The following PTGER3 variants were observed in gnomAD, a reference collection of about 807,000 sequenced individuals.
PTGER3 encodes prostaglandin E receptor 3, also known as prostaglandin E2 receptor EP3 subtype.
In PTGER3, 22 loss-of-function variants were observed where a neutral mutation model predicts 34.7. That is an observed-to-expected ratio of 0.63 (90% CI 0.45 to 0.91). The LOEUF (loss-of-function observed/expected upper bound fraction) is 0.91, where lower values mean the gene tolerates loss of function less well. PTGER3 is among the 40% of genes least tolerant of loss of function. The pLI is 0.00. For synonymous variants in PTGER3, 241 were observed against 230.1 expected, an observed-to-expected ratio of 1.05 and a Z score of -0.43; for missense variants, 468 against 519.4, an observed-to-expected ratio of 0.90 and a Z score of 0.96.
chr1:70,862,381 G>A (rs767583669), intron 4 of PTGER3: 1 of 1,366,502 alleles, frequency 7.3e-7, no homozygotes, highest in African/African-American at 1.5e-5. Flanking sequence ...AGCTTAGCTG[G>A]ACACTGCAGG....
intron 4 of PTGER3, among the ~76,000 whole-genome samples, chr1:70,945,997 G>C (rs1282511597): frequency 6.6e-6 from 1 of 152,076 alleles, no homozygotes; most frequent in Non-Finnish European, 1.5e-5. Flanking sequence ...ATGCAAAGGA[G>C]ATTCTGAAAT....
chr1:71,031,790 G>C (rs1266822257), intron 1 of PTGER3, among the ~76,000 whole-genome samples: 2 of 152,208 alleles, frequency 1.3e-5, no homozygotes, highest in East Asian at 3.9e-4. Context: ...AGTCACAGTT[G>C]GTTGTTTGCA....
chr1:70,993,474 A>G (rs1310236813), intron 2 of PTGER3, among the ~76,000 whole-genome samples: 1 of 152,200 alleles, frequency 6.6e-6, no homozygotes, highest in Admixed American at 6.5e-5. Flanking sequence ...AGAAGTCTAC[A>G]TTTTGTACAG....
intron 4 of PTGER3, among the ~76,000 whole-genome samples, chr1:70,877,008 T>C (rs1307237538): frequency 6.6e-6 from 1 of 152,226 alleles, no homozygotes; most frequent in Non-Finnish European, 1.5e-5. Flanking sequence ...ATTGGTAGTT[T>C]GATAGAAATT....
chr1:71,007,840 T>C (rs1657103536), intron 2 of PTGER3: 1 of 984,852 alleles, frequency 1.0e-6, no homozygotes, highest in Non-Finnish European at 1.2e-6. Context: ...CATTTAACAA[T>C]AGCATTGAAG....
At chr1:70,867,233 G>A (rs538180827) in intron 4 of PTGER3, among the ~76,000 whole-genome samples, 1 of 152,326 alleles carries the variant, frequency 6.6e-6, no homozygotes, top group Admixed American at 6.5e-5. Context: ...TTGATAAAGA[G>A]TTCTCTAATC....
At chr1:70,948,958 T>C (rs1650483244), downstream of PTGER3, among the ~76,000 whole-genome samples, 1 of 152,152 alleles carries the variant, frequency 6.6e-6, no homozygotes, top group Non-Finnish European at 1.5e-5. Context: ...TCTCAAAAGT[T>C]CTGGCTAGTA....
intron 2 of PTGER3, among the ~76,000 whole-genome samples, chr1:70,955,406 CT>C (rs1651215871): frequency 1.3e-5 from 2 of 152,230 alleles, no homozygotes; most frequent in African/African-American, 2.4e-5. Flanking sequence ...TAACCTGATT[CT>C]TATTCCCAAG....
chr1:70,871,711 C>G (rs561777440), intron 4 of PTGER3, among the ~76,000 whole-genome samples: 1 of 152,038 alleles, frequency 6.6e-6, no homozygotes, highest in East Asian at 1.9e-4. Flanking sequence ...GAATGCAAAC[C>G]TTATTACCTA....
chr1:70,953,526 T>C (rs952190482), intron 3 of PTGER3, among the ~76,000 whole-genome samples: 7 of 152,122 alleles, frequency 4.6e-5, no homozygotes, highest in African/African-American at 1.7e-4. Context: ...ACATGTTATA[T>C]GGGGGCAAAG....
chr1:70,945,038 G>A (rs1330846774), intron 4 of PTGER3, among the ~76,000 whole-genome samples: 3 of 152,094 alleles, frequency 2.0e-5, no homozygotes, highest in Non-Finnish European at 4.4e-5. Flanking sequence ...CTGTTGGGGA[G>A]CTTAAATAAC....
At chr1:70,959,674 T>C (rs1651724433) in intron 2 of PTGER3, among the ~76,000 whole-genome samples, 1 of 152,176 alleles carries the variant, frequency 6.6e-6, no homozygotes. Flanking sequence ...CTTCAATTTT[T>C]TTCATCTATG....
intron 4 of PTGER3, among the ~76,000 whole-genome samples, chr1:70,925,450 G>A (rs918296338): frequency 6.6e-6 from 1 of 152,084 alleles, no homozygotes; most frequent in African/African-American, 2.4e-5. Context: ...TCATACAAGT[G>A]TAACAAGATG....
At chr1:70,948,150 T>C (rs1246302431), downstream of PTGER3, among the ~76,000 whole-genome samples, 1 of 152,042 alleles carries the variant, frequency 6.6e-6, no homozygotes, top group Non-Finnish European at 1.5e-5. Flanking sequence ...GACATGAGCC[T>C]TTGAGATTTA....
intron 1 of PTGER3, among the ~76,000 whole-genome samples, chr1:71,038,631 C>T (rs74090219): frequency 0.011 from 1,744 of 152,174 alleles, 40 homozygotes; most frequent in African/African-American, 0.039. Flanking sequence ...AAATGTCCTC[C>T]CTATAAATGT....
At chr1:71,022,475 G>C (rs1017373500) in intron 1 of PTGER3, among the ~76,000 whole-genome samples, 5 of 151,886 alleles carry the variant, frequency 3.3e-5, no homozygotes, top group African/African-American at 9.7e-5. Context: ...ACAATGCAGG[G>C]TGATGAATAT....
intron 2 of PTGER3, among the ~76,000 whole-genome samples, chr1:70,977,066 T>A (rs1653777016): frequency 6.6e-6 from 1 of 152,172 alleles, no homozygotes; most frequent in South Asian, 2.1e-4. Flanking sequence ...TACAGGATAT[T>A]TTAAAATAAT....
At chr1:70,951,736 C>T (rs1168636756), downstream of PTGER3, among the ~76,000 whole-genome samples, 5 of 152,188 alleles carry the variant, frequency 3.3e-5, no homozygotes, top group African/African-American at 7.2e-5. Context: ...GTGCCAGGCA[C>T]TGTGCTTGGT....
At chr1:70,912,505 A>C (rs574924406) in intron 4 of PTGER3, among the ~76,000 whole-genome samples, 1 of 152,068 alleles carries the variant, frequency 6.6e-6, no homozygotes, top group East Asian at 1.9e-4. Context: ...TTTCCTACTG[A>C]CTATCATATA....
Sources: gnomAD v4.1 joint callset for allele counts (sites outside exome capture counted in the v4.1 genomes callset) on GRCh38, gnomAD v4.1.1 for gene constraint, MANE v1.5 for transcripts, NCBI Gene and HGNC (gene_info 2026-07-23, HGNC 2026-07-21) for gene names.